Variants in PUDP observed in about 807,000 individuals in gnomAD.
The protein encoded by PUDP is pseudouridine 5'-phosphatase, also known as pseudouridine-5'-phosphatase.
In PUDP, 8 loss-of-function variants were observed where a neutral mutation model predicts 9.4. That is an observed-to-expected ratio of 0.85 (90% CI 0.50 to 1.53). The LOEUF (loss-of-function observed/expected upper bound fraction) is 1.53, where lower values mean the gene tolerates loss of function less well. PUDP is among the 40% of genes most tolerant of loss of function. PUDP has a pLI of 0.00. For missense variants in PUDP, 188 were observed against 189.7 expected (o/e 0.99, Z 0.05); for synonymous variants, 99 against 80.7 (o/e 1.23, Z -1.22).
intron 3 of PUDP, among the ~76,000 whole-genome samples, chrX:6,730,142 T>C (rs750737249): frequency 1.8e-5 from 2 of 112,032 alleles, no homozygotes; most frequent in Non-Finnish European, 3.8e-5. Flanking sequence ...AATCTCCTGT[T>C]GGTGCTTGGT....
intron 3 of PUDP, among the ~76,000 whole-genome samples, chrX:6,783,282 C>T (rs1381146570): frequency 9.0e-6 from 1 of 111,623 alleles, no homozygotes; most frequent in Non-Finnish European, 1.9e-5. Context: ...TCCCCATGAT[C>T]TTTTTTTTAT....
intron 3 of PUDP, among the ~76,000 whole-genome samples, chrX:6,883,544 T>A (rs1337457878): frequency 1.3e-4 from 13 of 96,727 alleles, no homozygotes; most frequent in South Asian, 9.8e-4. Flanking sequence ...AAAAAAAAAA[T>A]TTTAAACAAT....
intron 3 of PUDP, among the ~76,000 whole-genome samples, chrX:6,766,838 G>A (rs746374108): frequency 2.7e-5 from 3 of 111,735 alleles, no homozygotes; most frequent in East Asian, 2.8e-4. Context: ...ATGTAAATGT[G>A]TACTAAAATA....
intron 3 of PUDP, among the ~76,000 whole-genome samples, chrX:6,812,088 G>C (rs1331550626): frequency 8.9e-6 from 1 of 112,344 alleles, no homozygotes; most frequent in Non-Finnish European, 1.9e-5. Context: ...CAGCACGGTA[G>C]CCCTGCAATC....
Position 6,959,147 on chromosome X carries a change from A to T in PUDP, c.*247+17986T>A, listed in dbSNP as rs773876945. Among the ~76,000 whole-genome samples, 5 of 112,276 alleles carry T rather than the reference A, an allele frequency of 4.5e-5. No homozygotes were observed. In the South Asian group the frequency reaches 1.9e-3, roughly 42 times the overall value. On this transcript the variant is annotated intron_variant and NMD_transcript_variant, in intron 3 of 3. Coordinates refer to the PUDP transcript ENST00000655425. The stretch of plus-strand genomic sequence containing the variant: ...GCCAAGAGATAAGGAAATTAACATG[A>T]TAAAACAAGCCAGAGGCCATTCAGC...
chrX:6,739,087 CA>C (rs1924906849), intron 3 of PUDP, among the ~76,000 whole-genome samples: 1 of 111,658 alleles, frequency 9.0e-6, no homozygotes, highest in South Asian at 3.8e-4. Context: ...CAACTATTTG[CA>C]TGTTCTTTTC....
intron 3 of PUDP, among the ~76,000 whole-genome samples, chrX:6,856,790 T>C (rs1334466593): frequency 9.0e-6 from 1 of 111,527 alleles, no homozygotes; most frequent in African/African-American, 3.3e-5. Context: ...AACATTTGAA[T>C]TGGGAGGCTG....
At chrX:6,736,489 C>T (rs1014389176) in intron 3 of PUDP, among the ~76,000 whole-genome samples, 6 of 111,922 alleles carry the variant, frequency 5.4e-5, no homozygotes, top group African/African-American at 1.9e-4. Context: ...AAGAAGAAAG[C>T]AGATATTATT....
intron 1 of PUDP, among the ~76,000 whole-genome samples, chrX:6,717,424 C>T (rs1463071817): frequency 9.0e-6 from 1 of 111,469 alleles, no homozygotes; most frequent in Non-Finnish European, 1.9e-5. Context: ...CAGGATGAGG[C>T]TCCTCTCTGC....
intron 3 of PUDP, among the ~76,000 whole-genome samples, chrX:6,862,079 T>C (rs1318600542): frequency 8.9e-6 from 1 of 111,759 alleles, no homozygotes; most frequent in Non-Finnish European, 1.9e-5. Flanking sequence ...CCAGGCACCT[T>C]CCACAGATGG....
intron 3 of PUDP, among the ~76,000 whole-genome samples, chrX:6,747,354 T>C (rs1462531077): frequency 8.9e-6 from 1 of 112,095 alleles, no homozygotes; most frequent in Non-Finnish European, 1.9e-5. Context: ...TGACTCATCT[T>C]GACCTTTTCA....
At chrX:6,877,955 A>G (rs1927290532) in intron 3 of PUDP, among the ~76,000 whole-genome samples, 1 of 112,012 alleles carries the variant, frequency 8.9e-6, no homozygotes, top group African/African-American at 3.2e-5. Context: ...ACCTCATGCA[A>G]AGCAAAGAAC....
intron 1 of PUDP, among the ~76,000 whole-genome samples, chrX:7,113,629 G>C (rs1393567323): frequency 5.3e-5 from 6 of 112,754 alleles, no homozygotes; most frequent in African/African-American, 9.7e-5. Flanking sequence ...TTTGATAGAA[G>C]TGGTGGTGTC....
intron 3 of PUDP, among the ~76,000 whole-genome samples, chrX:6,940,899 C>T (rs1039709986): frequency 8.9e-6 from 1 of 112,035 alleles, no homozygotes; most frequent in African/African-American, 3.2e-5. Flanking sequence ...TTTCAATTTT[C>T]ACTGAGTGAT....
At chrX:6,825,115 C>A (rs994902699) in intron 3 of PUDP, among the ~76,000 whole-genome samples, 1 of 111,450 alleles carries the variant, frequency 9.0e-6, no homozygotes, top group Non-Finnish European at 1.9e-5. Flanking sequence ...GATTCAGCCA[C>A]GAGAAATGGG....
chrX:7,029,420 C>T (rs905358643), intron 1 of PUDP, among the ~76,000 whole-genome samples: 3 of 112,084 alleles, frequency 2.7e-5, no homozygotes, highest in Non-Finnish European at 3.8e-5. Context: ...GCTTAAATAA[C>T]GACATATGGA....
At chrX:7,037,758 G>C (rs1929872414) in intron 1 of PUDP, among the ~76,000 whole-genome samples, 1 of 112,312 alleles carries the variant, frequency 8.9e-6, no homozygotes, top group Non-Finnish European at 1.9e-5. Context: ...CATTTGAAAA[G>C]AAAAGATAAA....
intron 3 of PUDP, among the ~76,000 whole-genome samples, chrX:6,865,916 A>G (rs1163396417): frequency 1.2e-5 from 1 of 85,583 alleles, no homozygotes; most frequent in Non-Finnish European, 2.3e-5. Context: ...TTGTTTTTCT[A>G]TTTTTTAAGT....
At chrX:6,907,123 A>C (rs931233793) in intron 3 of PUDP, among the ~76,000 whole-genome samples, 2 of 110,353 alleles carry the variant, frequency 1.8e-5, no homozygotes, top group African/African-American at 6.6e-5. Flanking sequence ...AGGTAATTGA[A>C]TCATGGGGGC....
Sources: gnomAD v4.1 joint callset for allele counts (sites outside exome capture counted in the v4.1 genomes callset) on GRCh38, gnomAD v4.1.1 for gene constraint, MANE v1.5 for transcripts, NCBI Gene and HGNC (gene_info 2026-07-23, HGNC 2026-07-21) for gene names.